The following ARMC5 variants were observed in gnomAD, a reference collection of about 807,000 sequenced individuals.
The protein encoded by ARMC5 is armadillo repeat containing 5.
Under a neutral mutation model 60.5 loss-of-function variants are expected in ARMC5, and 28 were observed. The observed-to-expected ratio is 0.46, with a 90% CI of 0.34 to 0.63. ARMC5 has a LOEUF of 0.63. Ranked by LOEUF, ARMC5 falls within the 30% of genes least tolerant of loss-of-function variation. ARMC5 has a pLI of 0.01. For missense variants in ARMC5, 1,189 were observed against 1,304.9 expected (o/e 0.91, Z 1.37); for synonymous variants, 680 against 607.3 (o/e 1.12, Z -1.76).
At position 31,466,184 on chromosome 16, in the gene ARMC5, C is replaced by A; in HGVS notation, c.2103C>A (p.Ala701=). ...CACACCCGCTCTTCCTCTTCTTTGC[C>A]GCGGACTCCCTTTCCTGCCTCCAAG... ...PAPHPLFLFF[A]ADSLSCLQDL... The change falls in exon 6 of 6, where the codon GCC becomes GCA. Residue 701 remains alanine, a synonymous_variant. Transcript: ENST00000268314. This position sits in a 1 kb window ranked among gnomAD's most constrained non-coding sequence, Gnocchi z 8.0. 6.2e-7 allele frequency: 1 copy of A among 1,612,266 alleles called. No individual in the cohort carries two copies. The highest frequency in any genetic ancestry group is 8.5e-7 in the Non-Finnish European group (1 of 1,179,882).
At position 31,462,861 on chromosome 16, in the gene ARMC5, C is replaced by T; in HGVS notation, c.1314C>T (p.Asp438=). 1 of 1,613,538 alleles carries T rather than the reference C, an allele frequency of 6.2e-7. No homozygotes were observed. The highest frequency in any genetic ancestry group is 8.5e-7 in the Non-Finnish European group (1 of 1,179,776). The change falls in exon 3 of 6, where the codon GAC becomes GAT. Residue 438 remains aspartate, a synonymous_variant. Coordinates refer to ENST00000268314, the MANE Select transcript of ARMC5 (RefSeq NM_001105247.2). The surrounding 1 kb of genome is among the most constrained non-coding windows in gnomAD (Gnocchi z 7.2). ...AGGGAAGAGAAGCTGCTTCCTGGGA[C>T]TTTCCTGAGGAGAGGACCCCTGAGC... ...EEEGREAASW[D]FPEERTPERA...
upstream of ARMC5, chr16:31,458,723 C>A (rs1010306950): frequency 6.8e-7 from 1 of 1,469,138 alleles, no homozygotes. Flanking sequence ...ACCTCGCAAT[C>A]CAGGGGTGAC....
In ARMC5 at chr16:31,459,842, G is replaced by A. The variant is rs758790821; in HGVS notation, c.318G>A (p.Ala106=). The change falls in exon 1 of 6, where the codon GCG becomes GCA. Residue 106 remains alanine, a synonymous_variant. Coordinates refer to ENST00000268314, the MANE Select transcript of ARMC5 (RefSeq NM_001105247.2). ...CGGGAGCTTCTAGCCCCGCCCCCGC[G>A]TCGGGCCCCGCCCCCTCCGCTGTGT... The part of the protein sequence containing the change: ...AASGASSPAP[A]SGPAPSAVSS... 46 of 1,575,638 alleles carry A rather than the reference G, an allele frequency of 2.9e-5. No homozygotes were observed. Among genetic ancestry groups the A allele is most frequent in the African/African-American group, 8.1e-5 (6 of 73,944 alleles).
In ARMC5 at chr16:31,461,914, C is replaced by T. The variant is rs376145767; in HGVS notation, c.476-8C>T. On this transcript the variant is annotated splice_polypyrimidine_tract_variant and splice_region_variant and intron_variant, in intron 1 of 5. Transcript: ENST00000268314. ...TAGAACCCTCACAAGCCCAAACTGT[C>T]GTTGCAGTGACCATTCTTCAGTGCA... 46 of 1,612,206 alleles carry T rather than the reference C, an allele frequency of 2.9e-5. No individual in the cohort carries two copies. The highest frequency in any genetic ancestry group is 2.7e-4 in the South Asian group (25 of 91,008).
rs762281763 is a variant in ARMC5, at chr16:31,466,766, G to A, written c.2685G>A (p.Pro895=). 12 of 1,575,508 alleles carry A rather than the reference G, an allele frequency of 7.6e-6. No individual in the cohort carries two copies. Among genetic ancestry groups the A allele is most frequent in the East Asian group, 4.5e-5 (2 of 44,458 alleles). Residue 895 remains proline, a synonymous_variant, in exon 6 of 6, where the codon CCG becomes CCA. Transcript: ENST00000268314. This position sits in a 1 kb window ranked among gnomAD's most constrained non-coding sequence, Gnocchi z 8.0. ...GGACACTGGGGTCAGAGCAGTGCCC[G>A]AGGAAGCGGGGTCTGGCCCTGGTGG... is the stretch of plus-strand genomic sequence containing the variant. ...ARWTLGSEQC[P]RKRGLALVGL...
rs1356888830 is a variant in ARMC5 at position 31,459,798 on chromosome 16, G to A, written c.274G>A (p.Ala92Thr). The part of the protein sequence containing the change: ...SAPSQAGPGS[A>T]PSSAASGASS... The stretch of plus-strand genomic sequence containing the variant: ...CCCGTCCCAGGCAGGCCCCGGCTCC[G>A]CCCCCTCGTCGGCCGCGTCGGGAGC... Residue 92 changes from alanine (A) to threonine (T), a missense_variant, in exon 1 of 6, where the codon GCC (alanine) becomes ACC (threonine). Physicochemically the swap from Ala to Thr is moderately conservative, Grantham distance 58 (BLOSUM62 0). This residue lies in a region of ARMC5 where 327 missense variants were observed against 233.7 expected (regional missense o/e 1.40). Coordinates refer to ENST00000268314, the MANE Select transcript of ARMC5 (RefSeq NM_001105247.2). 10 of 1,538,702 alleles carry A rather than the reference G, an allele frequency of 6.5e-6. No homozygotes were observed. Among genetic ancestry groups the A allele is most frequent in the Non-Finnish European group, 8.7e-6 (10 of 1,148,860 alleles).
At chr16:31,460,114 G>A in intron 1 of ARMC5, 115 bp downstream of exon 1, 2 of 1,146,100 alleles carry the variant, frequency 1.7e-6, no homozygotes, top group Non-Finnish European at 2.5e-6. Context: ...GCTTTGTGAT[G>A]GCGCATCGCT....
upstream of ARMC5, chr16:31,459,229 G>A (rs1596598793): frequency 5.2e-6 from 8 of 1,532,322 alleles, 1 homozygote; most frequent in East Asian, 1.7e-4. Flanking sequence ...TGGCCCACCT[G>A]GAGGGCCCTG....
At chr16:31,458,638 C>CA, upstream of ARMC5, 2 of 1,445,680 alleles carry the variant, frequency 1.4e-6, no homozygotes, top group Non-Finnish European at 1.8e-6. Context: ...TCTTCCTCCC[C>CA]AGGGCTAGAG....
At chr16:31,463,050 C>T (rs2142570706) in intron 3 of ARMC5, 133 bp downstream of exon 3, 2 of 938,696 alleles carry the variant, frequency 2.1e-6, no homozygotes, top group South Asian at 3.8e-5. Flanking sequence ...CTCCTGATTC[C>T]CACACGACCA....
At chr16:31,465,120 C>T (rs746246701) in intron 4 of ARMC5, 4 of 1,613,910 alleles carry the variant, frequency 2.5e-6, no homozygotes, top group African/African-American at 1.3e-5. Context: ...GATACCCTAA[C>T]TCTAGATGCA....
Position 31,459,593 on chromosome 16 carries a change from C to T in ARMC5, c.69C>T (p.Ala23=), listed in dbSNP as rs1449018444. Residue 23 remains alanine (A), a synonymous_variant, in exon 1 of 6, where the codon GCC becomes GCT. Transcript: ENST00000268314. The part of the protein sequence containing the change: ...SFCLAQLAAA[A]GEALGGEKDP... ...GCCTCGCGCAGCTCGCGGCGGCGGC[C>T]GGGGAGGCTCTGGGTGGGGAAAAGG... 2 of 1,602,022 alleles carry T rather than the reference C, an allele frequency of 1.2e-6. No homozygotes were observed. Among genetic ancestry groups the T allele is most frequent in the African/African-American group, 1.3e-5 (1 of 75,028 alleles).
chr16:31,466,983 G>C lies in ARMC5; in HGVS notation c.*94G>C. On this transcript the variant is annotated 3_prime_UTR_variant, in exon 6 of 6. Transcript: ENST00000268314. The surrounding 1 kb of genome is among the most constrained non-coding windows in gnomAD (Gnocchi z 8.0). ...CAAGGGAGGAGGCTGAGCAGAAGGA[G>C]TCATCATGGAGGAGCGGTGAGAACA... The C allele has an allele frequency of 7.3e-7, 1 of 1,376,044 alleles. No homozygotes were observed. Among genetic ancestry groups the C allele is most frequent in the Non-Finnish European group, 9.5e-7 (1 of 1,054,370 alleles). The allele number at this position is 1,376,044 out of a possible 1,614,324, so 85.2% of individuals were successfully genotyped here. A position where few individuals can be genotyped will look rare whatever the true frequency, so the allele number is the denominator to read the frequency against.
chr16:31,461,967 C>T lies in ARMC5; in HGVS notation c.521C>T (p.Thr174Met), dbSNP rs2082307484. 5.6e-6 allele frequency: 9 copies of T among 1,614,110 alleles called. No homozygotes were observed. The highest frequency in any genetic ancestry group is 4.2e-6 in the Non-Finnish European group (5 of 1,180,044). Reference protein sequence around the residue: ...CMKTDSIQNRTARALGNLAME... With the variant: ...CMKTDSIQNRMARALGNLAME... ...AAGACAGACAGCATCCAGAACCGAACGGCCCGTGCCCTGGGGAACTTAGCC... is the reference window on the plus strand; with the variant it reads ...AAGACAGACAGCATCCAGAACCGAATGGCCCGTGCCCTGGGGAACTTAGCC... The change falls in exon 2 of 6, where the codon ACG becomes ATG. Residue 174 changes from threonine (T) to methionine (M), a missense_variant. Coordinates refer to ENST00000268314, the MANE Select transcript of ARMC5 (RefSeq NM_001105247.2).
upstream of ARMC5, chr16:31,459,495 A>C: frequency 3.8e-6 from 6 of 1,585,022 alleles, no homozygotes; most frequent in Non-Finnish European, 5.1e-6. Flanking sequence ...AGCGGCGAGA[A>C]GCGGGGCGGA....
In ARMC5 at chr16:31,460,012, C is replaced by G; in HGVS notation, c.475+13C>G. 1 of 1,592,652 alleles carries G rather than the reference C, an allele frequency of 6.3e-7. No individual in the cohort carries two copies. Among genetic ancestry groups the G allele is most frequent in the Non-Finnish European group, 8.5e-7 (1 of 1,176,874 alleles). On this transcript the variant is annotated intron_variant, in intron 1 of 5. Coordinates refer to ENST00000268314, the MANE Select transcript of ARMC5 (RefSeq NM_001105247.2). ...ATACTCCCTTTGGGTAAGTGCTCCG[C>G]CCCCGTTTCCTAGAAAGATTAGGTT...
In ARMC5 at chr16:31,464,250, A is replaced by G. The variant is rs959153189; in HGVS notation, c.1371-144A>G. 5.0e-5 allele frequency: 35 copies of G among 693,580 alleles called. No homozygotes were observed. Among genetic ancestry groups the G allele is most frequent in the Non-Finnish European group, 7.1e-5 (33 of 464,582 alleles). 43.0% of individuals were successfully genotyped at this position (693,580 alleles called of 1,614,324 possible). On this transcript the variant is annotated intron_variant, in intron 3 of 5. Transcript: ENST00000268314. The surrounding 1 kb of genome is among the most constrained non-coding windows in gnomAD (Gnocchi z 7.6). ...GGCTGCAGTGAGCTAGGATCCCACA[A>G]CTGCATTCCAGCCTGGGCTATAGAG...
At chr16:31,458,661 C>G, upstream of ARMC5, 2 of 1,441,416 alleles carry the variant, frequency 1.4e-6, no homozygotes, top group Admixed American at 4.9e-5. Flanking sequence ...TGACCATTTT[C>G]CGGGCGGGCA....
At chr16:31,460,863 TG>T (rs2082298460) in intron 1 of ARMC5, among the ~76,000 whole-genome samples, 1 of 152,224 alleles carries the variant, frequency 6.6e-6, no homozygotes, top group Non-Finnish European at 1.5e-5. Flanking sequence ...CCAGCTAAAT[TG>T]GTGCCTCCTA....
Sources: gnomAD v4.1 joint callset for allele counts (sites outside exome capture counted in the v4.1 genomes callset) on GRCh38, gnomAD v4.1.1 for gene constraint, gnomAD v4.1.1 regional missense constraint, Gnocchi (gnomAD v3.1) non-coding constraint, MANE v1.5 for transcripts, NCBI Gene and HGNC (gene_info 2026-07-23, HGNC 2026-07-21) for gene names.